LRRTM4: variants seen among roughly 807,000 people sequenced by gnomAD.
LRRTM4 encodes leucine-rich repeat transmembrane neuronal protein 4.
LRRTM4 carries 25 observed loss-of-function variants against 47.6 expected under a neutral mutation model. That is an observed-to-expected ratio of 0.53 (90% CI 0.38 to 0.73). LRRTM4 has a LOEUF of 0.73. Among genes scored for constraint, LRRTM4 ranks in the 30% least tolerant of loss-of-function variants. The pLI, the probability that LRRTM4 is intolerant of heterozygous loss-of-function variation, is 0.00. For synonymous variants in LRRTM4, 311 were observed against 269.5 expected, an observed-to-expected ratio of 1.15 and a Z score of -1.51; for missense variants, 638 against 713.4, an observed-to-expected ratio of 0.89 and a Z score of 1.20.
At chr2:77,048,977 A>G (rs1399553156) in intron 3 of LRRTM4, among the ~76,000 whole-genome samples, 8 of 151,318 alleles carry the variant, frequency 5.3e-5, no homozygotes. Context: ...TTAGTAGAAA[A>G]TCAGCTTTTT....
chr2:77,131,675 T>C (rs1223461048), intron 3 of LRRTM4, among the ~76,000 whole-genome samples: 1 of 152,276 alleles, frequency 6.6e-6, no homozygotes, highest in Admixed American at 6.5e-5. Flanking sequence ...GGGGAAATTA[T>C]GGCTCAGGAC....
chr2:77,020,084 G>A (rs908560242), intron 3 of LRRTM4, among the ~76,000 whole-genome samples: 1 of 152,070 alleles, frequency 6.6e-6, no homozygotes, highest in African/African-American at 2.4e-5. Flanking sequence ...GTCTAGGATA[G>A]ATATTATAAA....
At chr2:76,765,167 CTG>C (rs1673408299) in intron 3 of LRRTM4, among the ~76,000 whole-genome samples, 1 of 152,214 alleles carries the variant, frequency 6.6e-6, no homozygotes. Flanking sequence ...TCATTTCTCT[CTG>C]TTAGAATAGG....
chr2:77,514,789 T>C (rs764228717), intron 3 of LRRTM4, among the ~76,000 whole-genome samples: 1 of 151,928 alleles, frequency 6.6e-6, no homozygotes, highest in African/African-American at 2.4e-5. Flanking sequence ...GGCTAATATA[T>C]AAAGGCCGCT....
At chr2:77,393,898 C>T (rs940889915) in intron 3 of LRRTM4, among the ~76,000 whole-genome samples, 2 of 151,864 alleles carry the variant, frequency 1.3e-5, no homozygotes, top group Admixed American at 6.6e-5. Flanking sequence ...ACAGGATGTA[C>T]TCATTAATTT....
chr2:77,283,220 A>G (rs1254490371), intron 3 of LRRTM4, among the ~76,000 whole-genome samples: 1 of 152,022 alleles, frequency 6.6e-6, no homozygotes, highest in African/African-American at 2.4e-5. Flanking sequence ...AACAAACAAG[A>G]AAAAATGCTC....
chr2:76,884,175 A>T (rs747903708), intron 3 of LRRTM4, among the ~76,000 whole-genome samples: 1 of 152,084 alleles, frequency 6.6e-6, no homozygotes, highest in Non-Finnish European at 1.5e-5. Flanking sequence ...ATCATGCTAG[A>T]CTTCTTGAGA....
chr2:76,777,602 T>G (rs1674101720), intron 3 of LRRTM4, among the ~76,000 whole-genome samples: 1 of 148,798 alleles, frequency 6.7e-6, no homozygotes, highest in African/African-American at 2.5e-5. Context: ...TTTTTGCACA[T>G]TGATTTTGTA....
At chr2:77,022,806 G>A (rs985828336) in intron 3 of LRRTM4, among the ~76,000 whole-genome samples, 1 of 152,274 alleles carries the variant, frequency 6.6e-6, no homozygotes, top group South Asian at 2.1e-4. Flanking sequence ...TGCTTTTATG[G>A]GCTGGCATTG....
At chr2:76,948,527 T>TAA (rs946597089) in intron 3 of LRRTM4, among the ~76,000 whole-genome samples, 141 of 151,898 alleles carry the variant, frequency 9.3e-4, no homozygotes, top group African/African-American at 3.2e-3. Flanking sequence ...TTGGTAAGAG[T>TAA]AATTTCATTT....
intron 3 of LRRTM4, among the ~76,000 whole-genome samples, chr2:76,939,490 G>A (rs144657971): frequency 6.6e-6 from 1 of 151,960 alleles, no homozygotes; most frequent in African/African-American, 2.4e-5. Flanking sequence ...AGAATTAAAG[G>A]AATGCAATTC....
At chr2:76,993,568 A>G (rs767167625) in intron 3 of LRRTM4, among the ~76,000 whole-genome samples, 3 of 151,992 alleles carry the variant, frequency 2.0e-5, no homozygotes, top group Admixed American at 6.6e-5. Context: ...ATTATCTCAC[A>G]TAAGTCAGAA....
intron 3 of LRRTM4, among the ~76,000 whole-genome samples, chr2:77,321,168 T>C (rs1482315210): frequency 6.6e-6 from 1 of 152,186 alleles, no homozygotes; most frequent in Non-Finnish European, 1.5e-5. Flanking sequence ...TTTCAATCTT[T>C]CTGTCCTCAG....
chr2:77,123,582 CAGAG>C (rs1344959615), intron 3 of LRRTM4, among the ~76,000 whole-genome samples: 1 of 151,884 alleles, frequency 6.6e-6, no homozygotes, highest in Non-Finnish European at 1.5e-5. Context: ...ATTTTTAACA[CAGAG>C]AGAAAGAAGG....
At chr2:77,217,811 C>G (rs762576711) in intron 3 of LRRTM4, among the ~76,000 whole-genome samples, 82 of 152,106 alleles carry the variant, frequency 5.4e-4, no homozygotes, top group Non-Finnish European at 3.4e-4. Context: ...CTTGATTGTA[C>G]TGAGAGCATG....
intron 3 of LRRTM4, among the ~76,000 whole-genome samples, chr2:77,174,653 G>T (rs1024405351): frequency 2.3e-4 from 34 of 150,464 alleles, no homozygotes; most frequent in Non-Finnish European, 4.4e-4. Flanking sequence ...TTTTTTGTTT[G>T]TTTTTTTTAT....
intron 3 of LRRTM4, among the ~76,000 whole-genome samples, chr2:77,066,488 G>C (rs1679960136): frequency 1.3e-5 from 2 of 152,184 alleles, no homozygotes; most frequent in Admixed American, 1.3e-4. Flanking sequence ...CTTTGGCAAA[G>C]AGCCACTAAG....
At chr2:76,750,860 C>T (rs1255089784) in intron 3 of LRRTM4, among the ~76,000 whole-genome samples, 1 of 152,158 alleles carries the variant, frequency 6.6e-6, no homozygotes, top group African/African-American at 2.4e-5. Context: ...GGGAAAGTCA[C>T]CTCCTCACAG....
chr2:77,063,200 C>A (rs1033764550), intron 3 of LRRTM4, among the ~76,000 whole-genome samples: 1 of 151,998 alleles, frequency 6.6e-6, no homozygotes, highest in Non-Finnish European at 1.5e-5. Flanking sequence ...CCTCGTGATC[C>A]GCCCACCTCG....
Sources: gnomAD v4.1 joint callset for allele counts (sites outside exome capture counted in the v4.1 genomes callset) on GRCh38, gnomAD v4.1.1 for gene constraint, MANE v1.5 for transcripts, NCBI Gene and HGNC (gene_info 2026-07-23, HGNC 2026-07-21) for gene names.